DLG2: variants seen among roughly 807,000 people sequenced by gnomAD.
The protein encoded by DLG2 is discs large MAGUK scaffold protein 2.
DLG2 carries 45 observed loss-of-function variants against 132.5 expected under a neutral mutation model. The ratio of observed to expected loss-of-function variants is 0.34; its 90% confidence interval spans 0.27 to 0.44. The LOEUF (loss-of-function observed/expected upper bound fraction) is 0.44, where lower values mean the gene tolerates loss of function less well. Ranked by LOEUF, DLG2 falls within the 20% of genes least tolerant of loss-of-function variation. The pLI is 1.00. For missense variants in DLG2, 1,045 were observed against 1,196.9 expected, an observed-to-expected ratio of 0.87 and a Z score of 1.87; for synonymous variants, 424 against 419.6, an observed-to-expected ratio of 1.01 and a Z score of -0.13.
At chr11:85,244,545 T>C (rs1382380541) in intron 4 of DLG2, among the ~76,000 whole-genome samples, 2 of 151,960 alleles carry the variant, frequency 1.3e-5, no homozygotes, top group African/African-American at 4.8e-5. Flanking sequence ...TGTAATGAAT[T>C]TGTGACAAGG....
At chr11:84,278,666 T>C (rs1044099661) in intron 7 of DLG2, among the ~76,000 whole-genome samples, 1 of 152,152 alleles carries the variant, frequency 6.6e-6, no homozygotes, top group Non-Finnish European at 1.5e-5. Flanking sequence ...GAATACGAAA[T>C]TGGTTTAACA....
chr11:83,641,279 T>C (rs2066425266), intron 18 of DLG2, among the ~76,000 whole-genome samples: 1 of 152,186 alleles, frequency 6.6e-6, no homozygotes. Context: ...ACTACTGCTC[T>C]CTTTCCACCG....
At chr11:84,588,944 C>T (rs556737424) in intron 6 of DLG2, among the ~76,000 whole-genome samples, 9 of 152,256 alleles carry the variant, frequency 5.9e-5, no homozygotes, top group African/African-American at 2.2e-4. Flanking sequence ...AAAGAACCCT[C>T]TCTTGGGGTC....
At chr11:84,944,102 T>C (rs939408971) in intron 6 of DLG2, among the ~76,000 whole-genome samples, 5 of 152,186 alleles carry the variant, frequency 3.3e-5, no homozygotes, top group African/African-American at 7.2e-5. Context: ...GCCAGATGTA[T>C]TGAAGCTCCT....
In DLG2 at chr11:83,663,718, T is replaced by C. The variant is rs1175707565; in HGVS notation, c.1826-30393A>G. Among the ~76,000 whole-genome samples, 3 of 152,180 alleles carry C rather than the reference T, an allele frequency of 2.0e-5. No homozygotes were observed. In the East Asian group the frequency reaches 5.8e-4, roughly 29 times the overall value. On this transcript the variant is annotated intron_variant, in intron 18 of 27. Coordinates refer to ENST00000376104, the MANE Select transcript of DLG2 (RefSeq NM_001142699.3). ...TGTGGGTTGGTAATACTATTATCCT[T>C]AATGCCTGGTTCCCTCCTATAGTTC...
intron 6 of DLG2, among the ~76,000 whole-genome samples, chr11:84,910,484 T>C (rs943631097): frequency 1.3e-5 from 2 of 152,232 alleles, no homozygotes; most frequent in Non-Finnish European, 2.9e-5. Flanking sequence ...AAAAATTTAA[T>C]AATTCATTAT....
chr11:84,062,806 G>A (rs758221078), intron 10 of DLG2, among the ~76,000 whole-genome samples: 1 of 151,724 alleles, frequency 6.6e-6, no homozygotes, highest in Non-Finnish European at 1.5e-5. Context: ...AAAATAGAGA[G>A]GAAAGTATGT....
chr11:85,478,709 C>G (rs1211668353), intron 3 of DLG2, among the ~76,000 whole-genome samples: 1 of 152,150 alleles, frequency 6.6e-6, no homozygotes, highest in Non-Finnish European at 1.5e-5. Flanking sequence ...GGGCACAGTC[C>G]TGTTATGATG....
At chr11:85,472,250 C>T (rs975233412) in intron 3 of DLG2, among the ~76,000 whole-genome samples, 1 of 152,138 alleles carries the variant, frequency 6.6e-6, no homozygotes, top group African/African-American at 2.4e-5. Context: ...GGACTACCTG[C>T]CTTCAGGTAG....
chr11:84,977,887 T>G (rs2055150669), intron 6 of DLG2, among the ~76,000 whole-genome samples: 1 of 152,184 alleles, frequency 6.6e-6, no homozygotes, highest in Non-Finnish European at 1.5e-5. Context: ...ATCTTAAATT[T>G]CAATGTCTGA....
intron 18 of DLG2, among the ~76,000 whole-genome samples, chr11:83,671,896 A>C (rs1471995910): frequency 2.0e-5 from 3 of 152,124 alleles, no homozygotes; most frequent in Non-Finnish European, 4.4e-5. Context: ...TTTACCATTT[A>C]TGTTTTGTTT....
At chr11:85,465,961 G>C (rs1027386999) in intron 3 of DLG2, among the ~76,000 whole-genome samples, 1 of 152,044 alleles carries the variant, frequency 6.6e-6, no homozygotes, top group Non-Finnish European at 1.5e-5. Flanking sequence ...ATCCTCTCCA[G>C]CACCTGTTGT....
At chr11:83,906,988 T>C (rs1249293964) in intron 15 of DLG2, among the ~76,000 whole-genome samples, 2 of 152,052 alleles carry the variant, frequency 1.3e-5, no homozygotes, top group South Asian at 2.1e-4. Flanking sequence ...TACTATGAAA[T>C]TGCTAAGAAG....
At chr11:84,856,377 G>T (rs1319382446) in intron 6 of DLG2, among the ~76,000 whole-genome samples, 2 of 151,996 alleles carry the variant, frequency 1.3e-5, no homozygotes, top group Non-Finnish European at 2.9e-5. Context: ...TATCATGCAG[G>T]TTCCCTTCAG....
intron 6 of DLG2, among the ~76,000 whole-genome samples, chr11:84,958,151 G>C (rs945763395): frequency 1.4e-4 from 21 of 152,254 alleles, no homozygotes; most frequent in Non-Finnish European, 2.1e-4. Context: ...TATTAGGACT[G>C]TTCTTTGGAA....
chr11:85,268,043 A>C (rs185598872), intron 4 of DLG2, among the ~76,000 whole-genome samples: 23 of 152,316 alleles, frequency 1.5e-4, no homozygotes, highest in African/African-American at 5.5e-4. Context: ...ACTAACAACC[A>C]ATGCACTAAG....
intron 6 of DLG2, among the ~76,000 whole-genome samples, chr11:84,770,641 T>C (rs1051904073): frequency 4.2e-4 from 53 of 127,380 alleles, no homozygotes; most frequent in Non-Finnish European, 8.4e-4. Flanking sequence ...TATGATTTCA[T>C]TCTTTTTTTT....
chr11:83,544,771 G>T (rs2096192403), intron 19 of DLG2, among the ~76,000 whole-genome samples: 1 of 152,174 alleles, frequency 6.6e-6, no homozygotes. Context: ...GGCTCAGGAA[G>T]TTAAGGAGCC....
chr11:84,299,813 C>T (rs556549982), intron 7 of DLG2, among the ~76,000 whole-genome samples: 1 of 152,192 alleles, frequency 6.6e-6, no homozygotes, highest in Non-Finnish European at 1.5e-5. Context: ...CCATTCAGTC[C>T]TTCGAAAATA....
Sources: allele counts gnomAD v4.1 joint callset (sites outside exome capture counted in the v4.1 genomes callset), GRCh38; gene constraint gnomAD v4.1.1; transcripts MANE v1.5; gene names NCBI Gene and HGNC (gene_info 2026-07-23, HGNC 2026-07-21).